The following MAST4 variants were observed in gnomAD, a reference collection of about 807,000 sequenced individuals.
MAST4 encodes the protein microtubule-associated serine/threonine-protein kinase 4.
In MAST4, 89 loss-of-function variants were observed where a neutral mutation model predicts 162.7. That is an observed-to-expected ratio of 0.55 (90% CI 0.46 to 0.65). The LOEUF is 0.65. Ranked by LOEUF, MAST4 falls within the 30% of genes least tolerant of loss-of-function variation. The probability of loss-of-function intolerance (pLI) is 0.00; values close to 1 mark genes in which losing one functional copy is unlikely to be tolerated. For missense variants in MAST4, 3,153 were observed against 3,374.0 expected, an observed-to-expected ratio of 0.93 and a Z score of 1.62; for synonymous variants, 1,479 against 1,361.1, an observed-to-expected ratio of 1.09 and a Z score of -1.91.
At chr5:67,086,102 A>C (rs1191827334) in intron 5 of MAST4, among the ~76,000 whole-genome samples, 52 of 152,234 alleles carry the variant, frequency 3.4e-4, no homozygotes, top group Non-Finnish European at 2.9e-5. Context: ...CAACTCATTT[A>C]AGGGGATCAT....
In MAST4 at chr5:66,988,949, T is replaced by C. The variant is rs1306432510; in HGVS notation, c.675-65455T>C. Among the ~76,000 whole-genome samples, 5 of 152,358 alleles carry C rather than the reference T, an allele frequency of 3.3e-5. No individual in the cohort carries two copies. The East Asian group carries it at 7.7e-4, about 23-fold the overall frequency. Reference sequence around the variant, plus strand: ...AAATAAGACATATTTGTAAACATAATATACCAACTTCATTAATTGTTAAAT... The same window carrying C: ...AAATAAGACATATTTGTAAACATAACATACCAACTTCATTAATTGTTAAAT... On this transcript the variant is annotated intron_variant, in intron 4 of 28. Coordinates refer to ENST00000403625, the MANE Select transcript of MAST4 (RefSeq NM_001164664.2).
intron 1 of MAST4, among the ~76,000 whole-genome samples, chr5:66,679,815 C>T (rs1748212692): frequency 6.6e-6 from 1 of 152,120 alleles, no homozygotes; most frequent in Admixed American, 6.5e-5. Context: ...GCCACGTGCA[C>T]AACTATTATT....
chr5:66,709,961 C>T (rs1015255147), intron 1 of MAST4, among the ~76,000 whole-genome samples: 2 of 152,166 alleles, frequency 1.3e-5, no homozygotes, highest in Admixed American at 6.5e-5. Flanking sequence ...CTTTTCCAGC[C>T]AGTGTTTTCT....
chr5:66,852,329 G>T (rs1260432076), intron 3 of MAST4, among the ~76,000 whole-genome samples: 1 of 152,062 alleles, frequency 6.6e-6, no homozygotes, highest in Non-Finnish European at 1.5e-5. Flanking sequence ...ACTTTTTGTT[G>T]AGACGGGGTT....
chr5:66,609,077 TA>T (rs1486910148), intron 1 of MAST4, among the ~76,000 whole-genome samples: 2 of 149,896 alleles, frequency 1.3e-5, no homozygotes, highest in African/African-American at 4.9e-5. Flanking sequence ...TTTTTCCCTG[TA>T]AATCCTTGGA....
intron 4 of MAST4, among the ~76,000 whole-genome samples, chr5:66,908,379 A>G (rs152407): frequency 0.76 from 116,232 of 152,004 alleles, 44,841 homozygotes; most frequent in African/African-American, 0.83. Flanking sequence ...ATAAAAATCT[A>G]TGTGCATTGC....
At chr5:66,818,439 AAACAG>A (rs1413829950) in intron 3 of MAST4, among the ~76,000 whole-genome samples, 1 of 152,000 alleles carries the variant, frequency 6.6e-6, no homozygotes, top group Non-Finnish European at 1.5e-5. Flanking sequence ...ATAAAAAAAA[AAACAG>A]AACAGATTTC....
At chr5:66,816,923 G>A (rs930490780) in intron 3 of MAST4, among the ~76,000 whole-genome samples, 68 of 152,146 alleles carry the variant, frequency 4.5e-4, no homozygotes, top group African/African-American at 1.6e-3. Context: ...AGACCCTCCA[G>A]TGATTCTAAT....
chr5:66,751,884 C>T (rs1753197714), intron 1 of MAST4, among the ~76,000 whole-genome samples: 1 of 149,368 alleles, frequency 6.7e-6, no homozygotes, highest in Non-Finnish European at 1.5e-5. Flanking sequence ...ATGTTAAGGG[C>T]AGCCAGAGAG....
intron 2 of MAST4, among the ~76,000 whole-genome samples, chr5:66,760,072 A>G (rs1286047739): frequency 7.4e-6 from 1 of 134,546 alleles, no homozygotes; most frequent in Non-Finnish European, 1.6e-5. Context: ...CAGTGACAAT[A>G]TCCCCTATTT....
At chr5:67,049,333 T>A (rs960824037) in intron 4 of MAST4, among the ~76,000 whole-genome samples, 1 of 152,028 alleles carries the variant, frequency 6.6e-6, no homozygotes, top group Non-Finnish European at 1.5e-5. Flanking sequence ...TTTATGAATA[T>A]TTATCTCATC....
Position 66,899,957 on chromosome 5 carries a change from C to CTGAG in MAST4, c.651_654dup (p.Leu219GlufsTer40). ...GTTTTTTTTTCTTTTGCAGAAGGAG[C>CTGAG]TGAGTCTCCCCAGAAGAGGAAGTTT... On this transcript the variant is annotated frameshift_variant, in exon 4 of 29. Coordinates refer to ENST00000403625, the MANE Select transcript of MAST4 (RefSeq NM_001164664.2). LOFTEE classifies it high-confidence loss of function. 1 of 1,519,828 alleles carries CTGAG rather than the reference C, an allele frequency of 6.6e-7. No homozygotes were observed. The highest frequency in any genetic ancestry group is 1.3e-5 in the South Asian group (1 of 77,008). 94.1% of individuals were successfully genotyped at this position (1,519,828 alleles called of 1,614,324 possible).
At chr5:66,647,359 A>C (rs1745908985) in intron 1 of MAST4, among the ~76,000 whole-genome samples, 1 of 152,132 alleles carries the variant, frequency 6.6e-6, no homozygotes, top group Non-Finnish European at 1.5e-5. Context: ...TGACTACCCC[A>C]TGTCCTTGAG....
At chr5:67,043,000 G>A (rs887750093) in intron 4 of MAST4, among the ~76,000 whole-genome samples, 1 of 152,182 alleles carries the variant, frequency 6.6e-6, no homozygotes, top group East Asian at 1.9e-4. Flanking sequence ...GCTGGGAGGT[G>A]TTAAATAGTC....
chr5:66,880,111 C>G (rs2149902207), intron 3 of MAST4, among the ~76,000 whole-genome samples: 1 of 152,276 alleles, frequency 6.6e-6, no homozygotes, highest in East Asian at 1.9e-4. Flanking sequence ...ATGTAAAAGA[C>G]TGAGGGCTTT....
At chr5:66,819,775 A>ATTTT (rs33985795) in intron 3 of MAST4, among the ~76,000 whole-genome samples, 2 of 137,258 alleles carry the variant, frequency 1.5e-5, no homozygotes, top group East Asian at 2.1e-4. Context: ...TCACTGTGGG[A>ATTTT]TTTTTTTTTT....
chr5:66,809,743 T>G lies in MAST4; in HGVS notation c.642+20949T>G, dbSNP rs528235573. Among the ~76,000 whole-genome samples the G allele has an allele frequency of 9.9e-5, 15 of 152,268 alleles. No homozygotes were observed. The South Asian group carries it at 1.9e-3, about 19-fold the overall frequency. The stretch of plus-strand genomic sequence containing the variant: ...CGTACAATTAAAATATATGACTTTT[T>G]GTTTGTTTTCTGAGACAGAGTCTTG... On this transcript the variant is annotated intron_variant, in intron 3 of 28. Transcript: ENST00000403625.
Position 66,844,542 on chromosome 5 carries a change from G to A in MAST4, c.643-55409G>A, listed in dbSNP as rs545586350. 4.6e-5 allele frequency among the ~76,000 whole-genome samples: 7 copies of A among 152,104 alleles called. No homozygotes were observed. In the East Asian group the frequency reaches 5.8e-4, roughly 13 times the overall value. On this transcript the variant is annotated intron_variant, in intron 3 of 28. Transcript: ENST00000403625. ...GGGAACATTCATTCACTCACCCAAC[G>A]GATATTTGTTGTGCATTTTTGCTTT...
intron 1 of MAST4, among the ~76,000 whole-genome samples, chr5:66,624,309 C>T (rs1272685991): frequency 6.6e-6 from 1 of 151,676 alleles, no homozygotes; most frequent in African/African-American, 2.4e-5. Context: ...CATGCTGCCA[C>T]GCCTGGCTAA....
Sources: gnomAD v4.1 joint callset for allele counts (sites outside exome capture counted in the v4.1 genomes callset) on GRCh38, gnomAD v4.1.1 for gene constraint, MANE v1.5 for transcripts, NCBI Gene and HGNC (gene_info 2026-07-23, HGNC 2026-07-21) for gene names.